Variants in ANKRD29 observed in about 807,000 individuals in gnomAD.
The protein encoded by ANKRD29 is ankyrin repeat domain 29.
A neutral mutation model predicts 38.0 loss-of-function variants in ANKRD29; 32 were observed. The ratio of observed to expected loss-of-function variants is 0.84; its 90% confidence interval spans 0.64 to 1.13. The LOEUF is 1.13. Among genes scored for constraint, ANKRD29 ranks in the 50% most tolerant of loss-of-function variants. The pLI is 0.00. For missense variants in ANKRD29, 357 were observed against 377.9 expected (o/e 0.94, Z 0.46); for synonymous variants, 135 against 152.4 (o/e 0.89, Z 0.84).
intron 1 of ANKRD29, among the ~76,000 whole-genome samples, chr18:23,654,817 C>T (rs2060258199): frequency 6.6e-6 from 1 of 151,744 alleles, no homozygotes; most frequent in African/African-American, 2.4e-5. Flanking sequence ...AGAAATTGTA[C>T]AGGAAGGAAG....
chr18:23,604,617 G>A (rs1042313655), intron 9 of ANKRD29, among the ~76,000 whole-genome samples: 4 of 151,628 alleles, frequency 2.6e-5, no homozygotes, highest in Non-Finnish European at 4.4e-5. Context: ...TGCAACCTCC[G>A]CCTCCCCGGT....
intron 3 of ANKRD29, among the ~76,000 whole-genome samples, chr18:23,641,248 A>G (rs2060071250): frequency 6.6e-6 from 1 of 152,114 alleles, no homozygotes; most frequent in South Asian, 2.1e-4. Context: ...CCCATCCCCT[A>G]TTGAGTTGGC....
chr18:23,611,367 C>T (rs1395721699), intron 9 of ANKRD29, among the ~76,000 whole-genome samples: 1 of 152,116 alleles, frequency 6.6e-6, no homozygotes, highest in Admixed American at 6.6e-5. Flanking sequence ...CTCGCCTCCA[C>T]CAGGAGAGTG....
At chr18:23,655,930 A>G (rs1377020839) in intron 1 of ANKRD29, among the ~76,000 whole-genome samples, 5 of 149,246 alleles carry the variant, frequency 3.4e-5, no homozygotes, top group Admixed American at 6.6e-5. Context: ...CGTCTCTACT[A>G]AAAATACAAA....
At chr18:23,639,590 C>T (rs2060046732) in intron 3 of ANKRD29, among the ~76,000 whole-genome samples, 1 of 146,072 alleles carries the variant, frequency 6.8e-6, no homozygotes, top group Admixed American at 7.0e-5. Flanking sequence ...GGATGGAGTG[C>T]AGTGGTGCCA....
intron 7 of ANKRD29, 74 bp downstream of exon 7, chr18:23,619,457 C>G (rs1162840775): frequency 1.4e-6 from 2 of 1,382,596 alleles, no homozygotes; most frequent in Non-Finnish European, 1.9e-6. Context: ...GCTGCAGACT[C>G]AGTCAAGACC....
intron 3 of ANKRD29, among the ~76,000 whole-genome samples, chr18:23,640,513 A>G (rs1025028054): frequency 6.6e-6 from 1 of 152,192 alleles, no homozygotes; most frequent in African/African-American, 2.4e-5. Flanking sequence ...TTCACCCACA[A>G]ACTTCTCCAA....
chr18:23,658,518 T>C (rs1041691915), intron 1 of ANKRD29, among the ~76,000 whole-genome samples: 39 of 152,224 alleles, frequency 2.6e-4, no homozygotes, highest in Admixed American at 7.9e-4. Flanking sequence ...CTGATTTAGA[T>C]AGTTAGATGA....
At chr18:23,616,812 C>A (rs2059729419) in intron 8 of ANKRD29, among the ~76,000 whole-genome samples, 1 of 146,312 alleles carries the variant, frequency 6.8e-6, no homozygotes, top group South Asian at 2.1e-4. Context: ...TTAATATAAT[C>A]AATAATATAA....
intron 9 of ANKRD29, among the ~76,000 whole-genome samples, chr18:23,607,263 G>T (rs1420730533): frequency 1.3e-5 from 2 of 152,160 alleles, no homozygotes; most frequent in African/African-American, 4.8e-5. Flanking sequence ...TCCTCTATGG[G>T]GTCAAGTTCT....
chr18:23,631,108 C>T (rs77113919), intron 5 of ANKRD29, among the ~76,000 whole-genome samples: 5,967 of 151,920 alleles, frequency 0.039, 174 homozygotes, highest in Non-Finnish European at 0.056. Context: ...AATTAAGATA[C>T]AATATGCAGC....
At chr18:23,661,535 G>A (rs1343835908) in intron 1 of ANKRD29, among the ~76,000 whole-genome samples, 2 of 152,136 alleles carry the variant, frequency 1.3e-5, no homozygotes, top group Admixed American at 1.3e-4. Context: ...GCAGAACCCC[G>A]TCTCTACTAA....
intron 1 of ANKRD29, among the ~76,000 whole-genome samples, chr18:23,653,789 T>G (rs1257615808): frequency 6.6e-6 from 1 of 152,014 alleles, no homozygotes; most frequent in African/African-American, 2.4e-5. Flanking sequence ...CAGACTGATC[T>G]CATACTCCTG....
chr18:23,641,384 C>G (rs1320258437), intron 3 of ANKRD29, among the ~76,000 whole-genome samples: 5 of 152,222 alleles, frequency 3.3e-5, no homozygotes, highest in Non-Finnish European at 7.3e-5. Flanking sequence ...GGCCTCTCCC[C>G]ACTCCCGGCA....
chr18:23,640,737 A>C (rs2060062869), intron 3 of ANKRD29, among the ~76,000 whole-genome samples: 1 of 152,232 alleles, frequency 6.6e-6, no homozygotes, highest in Admixed American at 6.5e-5. Context: ...TCTTGTGGGC[A>C]ACATACATTT....
chr18:23,636,225 C>A (rs77794214), intron 4 of ANKRD29, among the ~76,000 whole-genome samples: 1 of 152,046 alleles, frequency 6.6e-6, no homozygotes, highest in Non-Finnish European at 1.5e-5. Context: ...CAGCCTTGAA[C>A]TTTGGGCTCA....
intron 6 of ANKRD29, among the ~76,000 whole-genome samples, chr18:23,625,272 A>G (rs1186475056): frequency 6.6e-6 from 1 of 152,148 alleles, no homozygotes; most frequent in African/African-American, 2.4e-5. Flanking sequence ...ATTTTACCAG[A>G]TGCTGCATTG....
chr18:23,630,655 T>C (rs2059919091), intron 5 of ANKRD29, among the ~76,000 whole-genome samples: 2 of 151,838 alleles, frequency 1.3e-5, no homozygotes, highest in South Asian at 2.1e-4. Context: ...AGATTTAAAA[T>C]ATACACATTT....
chr18:23,652,883 G>A (rs60339281), intron 1 of ANKRD29, among the ~76,000 whole-genome samples: 4,234 of 152,254 alleles, frequency 0.028, 176 homozygotes, highest in East Asian at 0.092. Context: ...TTAATTCCAG[G>A]AGCAGCCCCA....
Sources: gnomAD v4.1 joint callset for allele counts (sites outside exome capture counted in the v4.1 genomes callset) on GRCh38, gnomAD v4.1.1 for gene constraint, MANE v1.5 for transcripts, NCBI Gene and HGNC (gene_info 2026-07-23, HGNC 2026-07-21) for gene names.